RAX: variants seen among roughly 807,000 people sequenced by gnomAD.
The protein encoded by RAX is retinal homeobox protein Rx.
RAX carries 11 observed loss-of-function variants against 17.4 expected under a neutral mutation model. That is an observed-to-expected ratio of 0.63 (90% confidence interval 0.40 to 1.05). RAX has a LOEUF of 1.05. Among genes scored for constraint, RAX ranks in the 50% least tolerant of loss-of-function variants. The pLI, the probability that RAX is intolerant of heterozygous loss-of-function variation, is 0.00. For missense variants in RAX, 527 were observed against 501.1 expected (o/e 1.05, Z -0.49); for synonymous variants, 276 against 254.7 (o/e 1.08, Z -0.80).
intron 2 of RAX, among the ~76,000 whole-genome samples, chr18:59,271,188 C>T (rs949107929): frequency 3.9e-5 from 6 of 152,244 alleles, no homozygotes; most frequent in Admixed American, 6.5e-5. Context: ...GCCAAAACTC[C>T]TGAACAAGTA....
intron 2 of RAX, among the ~76,000 whole-genome samples, chr18:59,270,356 A>G (rs2070327973): frequency 6.6e-6 from 1 of 152,172 alleles, no homozygotes; most frequent in Non-Finnish European, 1.5e-5. Flanking sequence ...TTTTGACATT[A>G]CCCTAAGACC....
chr18:59,272,661 C>T (rs749825846), intron 1 of RAX, 47 bp from the exon 2 acceptor site: 4 of 1,559,190 alleles, frequency 2.6e-6, no homozygotes, highest in South Asian at 1.1e-5. Context: ...CCCAAAACAC[C>T]CTTGGGCCGA....
chr18:59,268,992 T>G lies in RAX; in HGVS notation c.*12A>C. The stretch of plus-strand genomic sequence containing the variant: ...GGCCCGGGGTCGGATCCCAAGACGT[T>G]CCCCAGTGCCCCTAGAGGGCCTGCC... On this transcript the variant is annotated 3_prime_UTR_variant, in exon 3 of 3. Coordinates refer to ENST00000334889, the MANE Select transcript of RAX (RefSeq NM_013435.3). The surrounding 1 kb of genome is among the most constrained non-coding windows in gnomAD (Gnocchi z 4.4). The G allele has an allele frequency of 6.2e-7, 1 of 1,612,910 alleles. No homozygotes were observed. The highest frequency in any genetic ancestry group is 8.5e-7 in the Non-Finnish European group (1 of 1,179,854).
Position 59,273,096 on chromosome 18 carries a change from G to A in RAX, c.111C>T (p.Ala37=), listed in dbSNP as rs2070354754. Residue 37 remains alanine (A), a synonymous_variant, in exon 1 of 3, where the codon GCC becomes GCT. Transcript: ENST00000334889. ...GSTSRLHSIE[A]ILGFTKDDGI... The stretch of plus-strand genomic sequence containing the variant: ...CGTCGTCCTTGGTAAACCCCAGGAT[G>A]GCCTCGATGCTGTGAAGTCGCGAGG... 1 of 1,535,114 alleles carries A rather than the reference G, an allele frequency of 6.5e-7. No homozygotes were observed. The highest frequency in any genetic ancestry group is 1.4e-5 in the African/African-American group (1 of 73,126).
intron 2 of RAX, 23 bp from the exon 3 acceptor site, chr18:59,269,524 C>T: frequency 1.3e-6 from 2 of 1,593,922 alleles, no homozygotes; most frequent in South Asian, 1.1e-5. Flanking sequence ...GCACAGGGGC[C>T]GTCGGGCAGC....
rs2070304443 is a variant in RAX, at chr18:59,268,743, G to C, written c.*261C>G. 2 of 591,894 alleles carry C rather than the reference G, an allele frequency of 3.4e-6. No individual in the cohort carries two copies. Among genetic ancestry groups the C allele is most frequent in the Non-Finnish European group, 5.8e-6 (2 of 345,142 alleles). The allele number at this position is 591,894 out of a possible 1,614,324, so 36.7% of individuals were successfully genotyped here. ...GGGAGCGGCGTGGCCAGCGGGGCCC[G>C]GCAGCCTGTTGCCCTCCAGCTGCAG... On this transcript the variant is annotated 3_prime_UTR_variant, in exon 3 of 3. Transcript: ENST00000334889. The surrounding 1 kb of genome is among the most constrained non-coding windows in gnomAD (Gnocchi z 4.4).
At position 59,273,051 on chromosome 18, in the gene RAX, C is replaced by G; in HGVS notation, c.156G>C (p.Pro52=). The G allele has an allele frequency of 6.5e-7, 1 of 1,534,792 alleles. No homozygotes were observed. Among genetic ancestry groups the G allele is most frequent in the Non-Finnish European group, 8.7e-7 (1 of 1,146,332 alleles). Residue 52 remains proline, a synonymous_variant, in exon 1 of 3, where the codon CCG becomes CCC. Transcript: ENST00000334889. ...TCGCGCCCCGGGCGCCCCGCTCCGC[C>G]GGGAAGGTGCCGAGGATCCCGTCGT... ...TKDDGILGTF[P]AERGARGAKE...
chr18:59,271,349 T>G (rs1281468903), intron 2 of RAX, among the ~76,000 whole-genome samples: 2 of 152,180 alleles, frequency 1.3e-5, no homozygotes, highest in African/African-American at 4.8e-5. Context: ...GTGATAAAAT[T>G]TCCACCCCTT....
chr18:59,273,283 G>A lies in RAX; in HGVS notation c.-77C>T, dbSNP rs1184566677. ...GAAGCCGGGTCTTCCCGAGTGCGGC[G>A]GTGCAACCCGACGGGTCCCGACCCT... On this transcript the variant is annotated 5_prime_UTR_variant, in exon 1 of 3. Transcript: ENST00000334889. 15 of 1,422,362 alleles carry A rather than the reference G, an allele frequency of 1.1e-5. No individual in the cohort carries two copies. Among genetic ancestry groups the A allele is most frequent in the Admixed American group, 2.2e-5 (1 of 44,900 alleles). 88.1% of individuals were successfully genotyped at this position (1,422,362 alleles called of 1,614,324 possible).
chr18:59,272,803 C>T, intron 1 of RAX, 115 bp downstream of exon 1: 1 of 1,413,534 alleles, frequency 7.1e-7, no homozygotes, highest in East Asian at 2.4e-5. Flanking sequence ...CATAGACGGT[C>T]CCCAACCCCG....
At chr18:59,270,404 A>G (rs2070328667) in intron 2 of RAX, among the ~76,000 whole-genome samples, 1 of 152,230 alleles carries the variant, frequency 6.6e-6, no homozygotes, top group African/African-American at 2.4e-5. Flanking sequence ...CTTCTTCTTT[A>G]TCTGTACGAA....
intron 2 of RAX, among the ~76,000 whole-genome samples, chr18:59,271,509 A>G (rs78496169): frequency 0.021 from 3,229 of 152,348 alleles, 93 homozygotes; most frequent in African/African-American, 0.074. Flanking sequence ...GAAAAGAAAA[A>G]GCAGCAGCTT....
At chr18:59,271,216 T>G (rs2070335799) in intron 2 of RAX, among the ~76,000 whole-genome samples, 2 of 152,222 alleles carry the variant, frequency 1.3e-5, no homozygotes, top group South Asian at 4.1e-4. Flanking sequence ...AGGATGCAGG[T>G]GGGCTCAAGT....
Position 59,268,690 on chromosome 18 carries a change from G to T in RAX, c.*314C>A. On this transcript the variant is annotated 3_prime_UTR_variant, in exon 3 of 3. Coordinates refer to ENST00000334889, the MANE Select transcript of RAX (RefSeq NM_013435.3). The surrounding 1 kb of genome is among the most constrained non-coding windows in gnomAD (Gnocchi z 4.4). ...AGTTTAGGAGCTTCAGCCTGTTTGG[G>T]CCTGGAGGCTCCAGCGCCTGCGGTG... 1 of 518,846 alleles carries T rather than the reference G, an allele frequency of 1.9e-6. No individual in the cohort carries two copies. The highest frequency in any genetic ancestry group is 3.4e-6 in the Non-Finnish European group (1 of 290,876). The allele number at this position is 518,846 out of a possible 1,614,324, so 32.1% of individuals were successfully genotyped here. A position where few individuals can be genotyped will look rare whatever the true frequency, so the allele number is the denominator to read the frequency against.
chr18:59,269,718 TTCTCTC>T lies in RAX; in HGVS notation c.544-223_544-218del, dbSNP rs35880128. On this transcript the variant is annotated intron_variant, in intron 2 of 2. Coordinates refer to ENST00000334889, the MANE Select transcript of RAX (RefSeq NM_013435.3). ...CGTTCTCTTTTCTTTTCCATCCCCTTTCTCTCTCTCTCTCTCTCTCTTTTTTTTTTT... is the reference window on the plus strand; with the variant it reads ...CGTTCTCTTTTCTTTTCCATCCCCTTTCTCTCTCTCTCTCTTTTTTTTTTT... Among the ~76,000 whole-genome samples, 2,445 of 134,554 alleles carry T rather than the reference TTCTCTC, an allele frequency of 0.018. 101 individuals carry two copies. The highest frequency in any genetic ancestry group is 0.039 in the African/African-American group (1,340 of 34,000). 88.3% of individuals were successfully genotyped at this position (134,554 alleles called of 152,430 possible). A position where few individuals can be genotyped will look rare whatever the true frequency, so the allele number is the denominator to read the frequency against.
Position 59,273,443 on chromosome 18 carries a change from G to A in RAX, c.-237C>T, listed in dbSNP as rs369829507. The A allele has an allele frequency of 1.3e-5, 7 of 546,840 alleles. No individual in the cohort carries two copies. The highest frequency in any genetic ancestry group is 1.9e-5 in the Non-Finnish European group (6 of 315,866). The allele number at this position is 546,840 out of a possible 1,614,324, so 33.9% of individuals were successfully genotyped here. ...AGCTGGGGCTCTCGGCGCTAAAGGC[G>A]GGGAGCCAACTGGCCCTCGGCTCCT... is the stretch of plus-strand genomic sequence containing the variant. On this transcript the variant is annotated 5_prime_UTR_variant, in exon 1 of 3. Coordinates refer to ENST00000334889, the MANE Select transcript of RAX (RefSeq NM_013435.3).
At chr18:59,269,525 G>A (rs776517534) in intron 2 of RAX, 24 bp from the exon 3 acceptor site, 2 of 1,593,474 alleles carry the variant, frequency 1.3e-6, no homozygotes, top group Non-Finnish European at 1.7e-6. Context: ...CACAGGGGCC[G>A]TCGGGCAGCA....
chr18:59,270,653 T>G (rs899901000), intron 2 of RAX, among the ~76,000 whole-genome samples: 3 of 152,040 alleles, frequency 2.0e-5, no homozygotes, highest in Non-Finnish European at 4.4e-5. Flanking sequence ...TAGTTTTCAG[T>G]CAATAAGGGC....
rs1022815923 is a variant in RAX at position 59,273,019 on chromosome 18, C to T, written c.188G>A (p.Arg63Gln). The change falls in exon 1 of 3, where the codon CGG (arginine) becomes CAG (glutamine). Residue 63 changes from arginine to glutamine, a missense_variant. Arg to Gln is a conservative substitution (Grantham distance 43, BLOSUM62 1). Coordinates refer to ENST00000334889, the MANE Select transcript of RAX (RefSeq NM_013435.3). Reference protein sequence around the residue: ...AERGARGAKERDRRLGARPAC... With the variant: ...AERGARGAKEQDRRLGARPAC... ...GGGCCGCGCGCCCAGCCTCCTATCC[C>T]GCTCCTTCGCGCCCCGGGCGCCCCG... The T allele has an allele frequency of 6.5e-7, 1 of 1,534,120 alleles. No individual in the cohort carries two copies. Among genetic ancestry groups the T allele is most frequent in the Middle Eastern group, 1.8e-4 (1 of 5,636 alleles).
Sources: allele counts gnomAD v4.1 joint callset (sites outside exome capture counted in the v4.1 genomes callset), GRCh38; gene constraint gnomAD v4.1.1; non-coding constraint Gnocchi (gnomAD v3.1); transcripts MANE v1.5; gene names NCBI Gene and HGNC (gene_info 2026-07-23, HGNC 2026-07-21).